RAP1GDS1: variants seen among roughly 807,000 people sequenced by gnomAD.
RAP1GDS1 encodes RAP1, GTP-GDP dissociation stimulator 1.
RAP1GDS1 carries 35 observed loss-of-function variants against 71.1 expected under a neutral mutation model. The ratio of observed to expected loss-of-function variants is 0.49; its 90% CI spans 0.38 to 0.65. The LOEUF is 0.65. RAP1GDS1 is among the 30% of genes least tolerant of loss of function. The pLI, the probability that RAP1GDS1 is intolerant of heterozygous loss-of-function variation, is 0.00. For missense variants in RAP1GDS1, 663 were observed against 706.1 expected (o/e 0.94, Z 0.69); for synonymous variants, 229 against 243.1 (o/e 0.94, Z 0.54).
At chr4:98,307,438 TTG>T (rs969324282) in intron 2 of RAP1GDS1, among the ~76,000 whole-genome samples, 6 of 152,140 alleles carry the variant, frequency 3.9e-5, no homozygotes, top group Non-Finnish European at 7.4e-5. Context: ...CCTATTGGAA[TTG>T]TAATAAGTCA....
At chr4:98,413,505 T>C (rs1412989611) in intron 7 of RAP1GDS1, among the ~76,000 whole-genome samples, 4 of 152,164 alleles carry the variant, frequency 2.6e-5, no homozygotes, top group Admixed American at 6.5e-5. Context: ...TTACTGAGAA[T>C]GATGATTTCC....
chr4:98,398,750 C>A (rs1049664800), intron 6 of RAP1GDS1, among the ~76,000 whole-genome samples: 1 of 152,072 alleles, frequency 6.6e-6, no homozygotes, highest in East Asian at 1.9e-4. Context: ...GATACAAAAT[C>A]AACATGCAAA....
intron 2 of RAP1GDS1, among the ~76,000 whole-genome samples, chr4:98,308,724 CCTT>C: frequency 6.6e-6 from 1 of 152,148 alleles, no homozygotes; most frequent in East Asian, 1.9e-4. Context: ...TTTACATCCT[CCTT>C]TGTGTATTCA....
rs56262026 is a variant in RAP1GDS1, at chr4:98,442,033, C to G, written c.1740C>G (p.Val580=). 2.5e-6 allele frequency: 4 copies of G among 1,613,934 alleles called. No homozygotes were observed. In the South Asian group the frequency reaches 3.3e-5, roughly 13 times the overall value. Residue 580 remains valine (V), a synonymous_variant, in exon 15 of 15, where the codon GTC becomes GTG. Transcript: ENST00000408927. ...TACAGGATTTGGCTTTTCTAGATGTCGTATCCAAACTTCGCAGTCATGAGA... is the reference window on the plus strand; with the variant it reads ...TACAGGATTTGGCTTTTCTAGATGTGGTATCCAAACTTCGCAGTCATGAGA... ...KEVQDLAFLD[V]VSKLRSHENK...
rs925978175 is a variant in RAP1GDS1, at chr4:98,298,302, A to G, written c.112+4787A>G. 5.3e-5 allele frequency among the ~76,000 whole-genome samples: 8 copies of G among 152,194 alleles called. 1 individual carries two copies. The highest frequency in any genetic ancestry group is 5.2e-4 in the Admixed American group (8 of 15,276). Reference sequence around the variant, plus strand: ...CATTGATGAAGGAGGAGGCTGTGCTAAACAACAGATTTTCAGTATAGATGA... The same window carrying G: ...CATTGATGAAGGAGGAGGCTGTGCTGAACAACAGATTTTCAGTATAGATGA... On this transcript the variant is annotated intron_variant, in intron 2 of 14. Transcript: ENST00000408927.
chr4:98,339,227 T>C (rs1435155373), intron 2 of RAP1GDS1, among the ~76,000 whole-genome samples: 1 of 152,140 alleles, frequency 6.6e-6, no homozygotes, highest in East Asian at 1.9e-4. Context: ...AGTGAGGACA[T>C]AGGGCTTCAG....
intron 4 of RAP1GDS1, among the ~76,000 whole-genome samples, chr4:98,374,550 G>A (rs1371423700): frequency 1.3e-5 from 2 of 151,966 alleles, no homozygotes; most frequent in Non-Finnish European, 2.9e-5. Context: ...ACTTTTTATT[G>A]CAGCTGGATA....
chr4:98,350,442 C>T (rs1001607215), intron 3 of RAP1GDS1, among the ~76,000 whole-genome samples: 11 of 152,126 alleles, frequency 7.2e-5, no homozygotes, highest in African/African-American at 2.7e-4. Context: ...CCTGGTGGTT[C>T]TCACCTATAA....
intron 2 of RAP1GDS1, among the ~76,000 whole-genome samples, chr4:98,311,714 G>T (rs561663587): frequency 5.3e-5 from 8 of 152,168 alleles, no homozygotes; most frequent in Non-Finnish European, 1.0e-4. Flanking sequence ...CATGCTCACG[G>T]CAGCGTTGAA....
chr4:98,273,493 A>C (rs1436681102), intron 1 of RAP1GDS1, among the ~76,000 whole-genome samples: 4 of 152,044 alleles, frequency 2.6e-5, no homozygotes, highest in African/African-American at 9.7e-5. Context: ...AAAAGACTGG[A>C]GTTCTTTTTT....
chr4:98,382,291 A>G (rs1170614740), intron 5 of RAP1GDS1, among the ~76,000 whole-genome samples: 1 of 151,686 alleles, frequency 6.6e-6, no homozygotes, highest in Non-Finnish European at 1.5e-5. Flanking sequence ...TAATGCATAA[A>G]TAAAATAATA....
At chr4:98,428,841 T>A (rs1208311595) in intron 12 of RAP1GDS1, among the ~76,000 whole-genome samples, 1 of 152,184 alleles carries the variant, frequency 6.6e-6, no homozygotes, top group Non-Finnish European at 1.5e-5. Flanking sequence ...CACTACTGGG[T>A]ATCTGCCCAG....
intron 2 of RAP1GDS1, among the ~76,000 whole-genome samples, chr4:98,320,306 A>G (rs1460652886): frequency 2.0e-5 from 3 of 152,156 alleles, no homozygotes; most frequent in African/African-American, 7.2e-5. Context: ...TGGTGGCCTA[A>G]AGTATGTTTC....
chr4:98,309,891 A>G (rs951370034), intron 2 of RAP1GDS1, among the ~76,000 whole-genome samples: 2 of 132,458 alleles, frequency 1.5e-5, no homozygotes, highest in African/African-American at 5.4e-5. Context: ...GTATATACAT[A>G]TATATATAAT....
chr4:98,380,082 C>CAAAAA lies in RAP1GDS1; in HGVS notation c.508+930_508+934dup, dbSNP rs79487127. Among the ~76,000 whole-genome samples, 466 of 109,694 alleles carry CAAAAA rather than the reference C, an allele frequency of 4.2e-3. 4 individuals carry two copies. The highest frequency in any genetic ancestry group is 0.014 in the African/African-American group (447 of 31,612). The allele number at this position is 109,694 out of a possible 152,430, so 72.0% of individuals were successfully genotyped here. The stretch of plus-strand genomic sequence containing the variant: ...GTCCAAAGAAATATTCTCAATAATT[C>CAAAAA]AAAAAAAAAAAAAAAGATAAACCTT... On this transcript the variant is annotated intron_variant, in intron 5 of 14. Coordinates refer to ENST00000408927, the MANE Select transcript of RAP1GDS1 (RefSeq NM_001100427.2).
chr4:98,290,188 C>T (rs988880355), intron 1 of RAP1GDS1, among the ~76,000 whole-genome samples: 10 of 152,038 alleles, frequency 6.6e-5, no homozygotes, highest in South Asian at 2.1e-4. Flanking sequence ...AATTGATTAA[C>T]ATTTAAAAGT....
chr4:98,383,837 T>C (rs1742350305), intron 5 of RAP1GDS1, among the ~76,000 whole-genome samples: 1 of 151,594 alleles, frequency 6.6e-6, no homozygotes, highest in Non-Finnish European at 1.5e-5. Flanking sequence ...AGCTGCATGT[T>C]TATCCTTATG....
At position 98,421,372 on chromosome 4, in the gene RAP1GDS1, T is replaced by A. The variant is rs764641863; in HGVS notation, c.1418T>A (p.Leu473His). The change falls in exon 12 of 15, where the codon CTT becomes CAT. Residue 473 changes from leucine (L) to histidine (H), a missense_variant. Physicochemically the swap from Leu to His is moderately conservative, Grantham distance 99 (BLOSUM62 -3). Coordinates refer to ENST00000408927, the MANE Select transcript of RAP1GDS1 (RefSeq NM_001100427.2). ...MGESNRLLSA[L>H]IRHSKSKDVI... ...GAGTCAAACAGACTGCTGTCTGCCC[T>A]TATACGACACAGTAAATCAAAAGTA... 3.7e-6 allele frequency: 6 copies of A among 1,600,896 alleles called. No individual in the cohort carries two copies. In the Admixed American group the frequency reaches 8.5e-5, roughly 23 times the overall value.
rs1304927689 is a variant in RAP1GDS1, at chr4:98,418,644, T to TG, written c.1040-13_1040-12insG. On this transcript the variant is annotated splice_polypyrimidine_tract_variant and intron_variant, in intron 9 of 14. Transcript: ENST00000408927. ...TTAAAGAGGAAGAAAAAGATGTGTGTTTTTTTTTTCAGATGCAAATTGTAT... is the reference window on the plus strand; with the variant it reads ...TTAAAGAGGAAGAAAAAGATGTGTGTGTTTTTTTTTCAGATGCAAATTGTAT... 13 of 1,505,774 alleles carry TG rather than the reference T, an allele frequency of 8.6e-6. No individual in the cohort carries two copies. Among genetic ancestry groups the TG allele is most frequent in the Non-Finnish European group, 1.2e-5 (13 of 1,116,186 alleles). 93.3% of individuals were successfully genotyped at this position (1,505,774 alleles called of 1,614,324 possible).
Sources: allele counts gnomAD v4.1 joint callset (sites outside exome capture counted in the v4.1 genomes callset), GRCh38; gene constraint gnomAD v4.1.1; transcripts MANE v1.5; gene names NCBI Gene and HGNC (gene_info 2026-07-23, HGNC 2026-07-21).